Variants in TMEM117 observed in about 807,000 individuals in gnomAD.
The protein encoded by TMEM117 is transmembrane protein 117.
A neutral mutation model predicts 52.4 loss-of-function variants in TMEM117; 27 were observed. The ratio of observed to expected loss-of-function variants is 0.51; its 90% CI spans 0.38 to 0.71. The LOEUF is 0.71. Ranked by LOEUF, TMEM117 falls within the 30% of genes least tolerant of loss-of-function variation. TMEM117 has a pLI of 0.00. For synonymous variants in TMEM117, 215 were observed against 206.3 expected (o/e 1.04, Z -0.36); for missense variants, 556 against 630.5 (o/e 0.88, Z 1.26).
At chr12:43,924,847 C>T (rs191979466) in intron 2 of TMEM117, among the ~76,000 whole-genome samples, 6 of 152,240 alleles carry the variant, frequency 3.9e-5, no homozygotes, top group East Asian at 3.9e-4. Flanking sequence ...AGTTTCTGTG[C>T]GTGAGGAGTT....
chr12:44,388,844 T>A lies in TMEM117; in HGVS notation c.*172T>A. Reference sequence around the variant, plus strand: ...AGGATTCATTGTTTTCTATTTGTATTATAATACACGTGCCTACTGTATACT... The same window carrying A: ...AGGATTCATTGTTTTCTATTTGTATAATAATACACGTGCCTACTGTATACT... On this transcript the variant is annotated 3_prime_UTR_variant, in exon 8 of 8. Coordinates refer to ENST00000266534, the MANE Select transcript of TMEM117 (RefSeq NM_032256.3). The A allele has an allele frequency of 1.4e-6, 1 of 727,040 alleles. No individual in the cohort carries two copies. Among genetic ancestry groups the A allele is most frequent in the Non-Finnish European group, 2.2e-6 (1 of 453,960 alleles). The allele number at this position is 727,040 out of a possible 1,614,324, so 45.0% of individuals were successfully genotyped here.
At chr12:44,353,802 A>G (rs1208883334) in intron 6 of TMEM117, among the ~76,000 whole-genome samples, 3 of 152,170 alleles carry the variant, frequency 2.0e-5, no homozygotes, top group East Asian at 3.9e-4. Flanking sequence ...TTCCATATGA[A>G]CTTCAAAGTA....
At chr12:44,138,276 T>A (rs1257706299) in intron 3 of TMEM117, among the ~76,000 whole-genome samples, 1 of 152,054 alleles carries the variant, frequency 6.6e-6, no homozygotes, top group Non-Finnish European at 1.5e-5. Flanking sequence ...TTAGAGATGA[T>A]TATGGACAGA....
rs73272227 is a variant in TMEM117, at chr12:44,203,531, T to G, written c.511-7759T>G. On this transcript the variant is annotated intron_variant, in intron 4 of 7. Transcript: ENST00000266534. ...GTTTGCTCTTGTTTTTCTAGTCCTCTAGGTATGATGTTAGGTTGTTAATCT... is the reference window on the plus strand; with the variant it reads ...GTTTGCTCTTGTTTTTCTAGTCCTCGAGGTATGATGTTAGGTTGTTAATCT... Among the ~76,000 whole-genome samples the G allele has an allele frequency of 4.0e-3, 614 of 152,274 alleles. 4 individuals are homozygous for G. Among genetic ancestry groups the G allele is most frequent in the African/African-American group, 0.014 (585 of 41,572 alleles).
intron 4 of TMEM117, among the ~76,000 whole-genome samples, chr12:44,199,842 G>T (rs12811056): frequency 1.3e-5 from 2 of 152,244 alleles, no homozygotes. Context: ...TAGCAGCCGG[G>T]CTTGGTGGCT....
intron 4 of TMEM117, among the ~76,000 whole-genome samples, chr12:44,160,579 G>C (rs888600368): frequency 6.6e-6 from 1 of 152,156 alleles, no homozygotes; most frequent in East Asian, 1.9e-4. Flanking sequence ...TGAGGTGGGA[G>C]GATTGCTTGA....
intron 3 of TMEM117, among the ~76,000 whole-genome samples, chr12:44,040,566 C>T (rs1347805930): frequency 6.6e-6 from 1 of 150,570 alleles, no homozygotes; most frequent in Non-Finnish European, 1.5e-5. Context: ...TCTTTGTGGA[C>T]TGTTCTATCA....
intron 5 of TMEM117, among the ~76,000 whole-genome samples, chr12:44,298,884 A>G (rs1950801541): frequency 6.6e-6 from 1 of 150,674 alleles, no homozygotes; most frequent in African/African-American, 2.5e-5. Flanking sequence ...TCTCTTTTGT[A>G]GAAGGATAAT....
At chr12:43,810,429 A>G in the TMEM117 span, among the ~76,000 whole-genome samples, 1 of 152,196 alleles carries the variant, frequency 6.6e-6, no homozygotes, top group Non-Finnish European at 1.5e-5. Context: ...TACTGAGTCC[A>G]CAAACGGGGA....
intron 7 of TMEM117, among the ~76,000 whole-genome samples, chr12:44,376,979 G>T (rs1291238100): frequency 1.3e-5 from 2 of 152,164 alleles, no homozygotes; most frequent in African/African-American, 4.8e-5. Flanking sequence ...AATGGGGAAA[G>T]TGATTAAGAA....
chr12:44,050,166 G>A (rs1016544986), intron 3 of TMEM117, among the ~76,000 whole-genome samples: 1 of 152,198 alleles, frequency 6.6e-6, no homozygotes, highest in Non-Finnish European at 1.5e-5. Flanking sequence ...TAGATTGGAT[G>A]TTCAGAATAG....
chr12:44,052,663 G>T (rs1481157442), intron 3 of TMEM117, among the ~76,000 whole-genome samples: 2 of 152,110 alleles, frequency 1.3e-5, no homozygotes, highest in African/African-American at 4.8e-5. Flanking sequence ...AGCATTTAAG[G>T]CAACAACTGC....
intron 4 of TMEM117, among the ~76,000 whole-genome samples, chr12:44,171,024 T>C (rs1949038167): frequency 6.7e-6 from 1 of 149,132 alleles, no homozygotes; most frequent in Non-Finnish European, 1.5e-5. Context: ...TTTTTTTTTT[T>C]TTTTTTTTTG....
At chr12:43,860,574 G>A (rs987236843) in intron 2 of TMEM117, among the ~76,000 whole-genome samples, 1 of 152,152 alleles carries the variant, frequency 6.6e-6, no homozygotes, top group Non-Finnish European at 1.5e-5. Flanking sequence ...AACCTATGTA[G>A]CTTTCTGGGG....
At chr12:44,081,386 A>C (rs186270619) in intron 3 of TMEM117, among the ~76,000 whole-genome samples, 62 of 152,278 alleles carry the variant, frequency 4.1e-4, no homozygotes, top group Non-Finnish European at 7.9e-4. Flanking sequence ...TCCTAATTAG[A>C]TGCATGGTGT....
At chr12:44,020,515 A>G (rs1946440053) in intron 3 of TMEM117, among the ~76,000 whole-genome samples, 1 of 152,200 alleles carries the variant, frequency 6.6e-6, no homozygotes, top group South Asian at 2.1e-4. Context: ...ATTCTGATCT[A>G]CGAATTTAAA....
chr12:44,393,627 C>A (rs185385192), downstream of TMEM117, among the ~76,000 whole-genome samples: 367 of 149,210 alleles, frequency 2.5e-3, 2 homozygotes, highest in Middle Eastern at 0.01. Context: ...AAACACCCAT[C>A]AAAACCAGAG....
chr12:44,305,963 G>A (rs1950898088), intron 6 of TMEM117, among the ~76,000 whole-genome samples: 2 of 152,186 alleles, frequency 1.3e-5, no homozygotes, highest in South Asian at 2.1e-4. Context: ...ATGAAATGAT[G>A]TCCTTTACAG....
At chr12:44,352,982 G>A (rs953054970) in intron 6 of TMEM117, among the ~76,000 whole-genome samples, 5 of 151,922 alleles carry the variant, frequency 3.3e-5, no homozygotes, top group African/African-American at 7.3e-5. Context: ...TTTAATGATC[G>A]CCATTCTAAC....
Sources: gnomAD v4.1 joint callset for allele counts (sites outside exome capture counted in the v4.1 genomes callset) on GRCh38, gnomAD v4.1.1 for gene constraint, MANE v1.5 for transcripts, NCBI Gene and HGNC (gene_info 2026-07-23, HGNC 2026-07-21) for gene names.